FSTL5: variants seen among roughly 807,000 people sequenced by gnomAD.
FSTL5 encodes follistatin like 5.
In FSTL5, 62 loss-of-function variants were observed where a neutral mutation model predicts 89.1. The ratio of observed to expected loss-of-function variants is 0.70; its 90% CI spans 0.57 to 0.86. The LOEUF (loss-of-function observed/expected upper bound fraction) is 0.86. Ranked by LOEUF, FSTL5 falls within the 40% of genes least tolerant of loss-of-function variation. The pLI, the probability that FSTL5 is intolerant of heterozygous loss-of-function variation, is 0.00. For missense variants in FSTL5, 1,057 were observed against 1,001.6 expected (o/e 1.06, Z -0.75); for synonymous variants, 383 against 346.2 (o/e 1.11, Z -1.18).
At chr4:161,877,103 G>A (rs1043227784) in intron 4 of FSTL5, among the ~76,000 whole-genome samples, 1 of 150,058 alleles carries the variant, frequency 6.7e-6, no homozygotes, top group African/African-American at 2.5e-5. Flanking sequence ...AGAATCACTT[G>A]AACCCAGGAG....
chr4:161,713,417 A>G (rs896860275), intron 6 of FSTL5, among the ~76,000 whole-genome samples: 1 of 152,194 alleles, frequency 6.6e-6, no homozygotes, highest in Non-Finnish European at 1.5e-5. Context: ...GTTGGGTAAC[A>G]CAAGGTCCAA....
At chr4:161,434,053 C>T (rs926590839) in intron 15 of FSTL5, among the ~76,000 whole-genome samples, 7 of 151,850 alleles carry the variant, frequency 4.6e-5, no homozygotes, top group Non-Finnish European at 1.0e-4. Context: ...AAAAAGAAAC[C>T]CTAAAATGTA....
chr4:161,521,858 A>AAG (rs1326144111), intron 10 of FSTL5, among the ~76,000 whole-genome samples: 2 of 140,886 alleles, frequency 1.4e-5, no homozygotes, highest in African/African-American at 5.1e-5. Context: ...CAAAAAAAAA[A>AAG]AAAAAAGAAA....
chr4:161,738,834 T>C lies in FSTL5; in HGVS notation c.727+20577A>G, dbSNP rs1579058976. On this transcript the variant is annotated intron_variant, in intron 6 of 15. Transcript: ENST00000306100. ...TACTTAAAAGCATTTTCATTGTTTCTTCTGGCTATTCTCACATATTTACAT... is the reference window on the plus strand; with the variant it reads ...TACTTAAAAGCATTTTCATTGTTTCCTCTGGCTATTCTCACATATTTACAT... Among the ~76,000 whole-genome samples the C allele has an allele frequency of 5.3e-5, 8 of 152,308 alleles. No individual in the cohort carries two copies. The East Asian group carries it at 1.5e-3, about 29-fold the overall frequency.
At chr4:161,688,371 C>G (rs940913114) in intron 6 of FSTL5, among the ~76,000 whole-genome samples, 1 of 152,200 alleles carries the variant, frequency 6.6e-6, no homozygotes, top group Admixed American at 6.5e-5. Flanking sequence ...GCATGAGCCA[C>G]CTTGCCTCCT....
chr4:161,527,313 G>T (rs1731256640), intron 10 of FSTL5, among the ~76,000 whole-genome samples: 1 of 152,090 alleles, frequency 6.6e-6, no homozygotes, highest in Admixed American at 6.6e-5. Context: ...TTAAACTAAA[G>T]AGCTTCTGCA....
rs1201806296 is a variant in FSTL5, at chr4:161,608,075, C to T, written c.895-20500G>A. On this transcript the variant is annotated intron_variant, in intron 7 of 15. Coordinates refer to ENST00000306100, the MANE Select transcript of FSTL5 (RefSeq NM_020116.5). Reference sequence around the variant, plus strand: ...AATTGGAGAAATTTGTTTCCTTTTTCTAAGCTTCAATTTCCAAATATGCCC... The same window carrying T: ...AATTGGAGAAATTTGTTTCCTTTTTTTAAGCTTCAATTTCCAAATATGCCC... Among the ~76,000 whole-genome samples, 3 of 152,204 alleles carry T rather than the reference C, an allele frequency of 2.0e-5. No individual in the cohort carries two copies. The East Asian group carries it at 5.8e-4, about 29-fold the overall frequency.
intron 3 of FSTL5, among the ~76,000 whole-genome samples, chr4:162,028,183 T>C (rs1258101440): frequency 6.6e-6 from 1 of 152,184 alleles, no homozygotes; most frequent in African/African-American, 2.4e-5. Context: ...GTATTGAGTA[T>C]AATAGACAAA....
intron 6 of FSTL5, among the ~76,000 whole-genome samples, chr4:161,674,202 A>G (rs1297941507): frequency 6.6e-6 from 1 of 152,128 alleles, no homozygotes; most frequent in Non-Finnish European, 1.5e-5. Context: ...AAACATATTA[A>G]AAGCACAAAT....
At chr4:161,967,037 CCATAAAGTTAACTA>C (rs1481700925) in intron 3 of FSTL5, among the ~76,000 whole-genome samples, 3 of 151,262 alleles carry the variant, frequency 2.0e-5, no homozygotes, top group African/African-American at 4.9e-5. Context: ...AAACCTCTCA[CCATAAAGTTAACTA>C]ATTAAATGAT....
rs529966170 is a variant in FSTL5 at position 161,743,139 on chromosome 4, A to T, written c.727+16272T>A. Among the ~76,000 whole-genome samples, 12 of 152,224 alleles carry T rather than the reference A, an allele frequency of 7.9e-5. 1 individual carries two copies. The highest frequency in any genetic ancestry group is 2.9e-4 in the African/African-American group (12 of 41,540). ...GTTATAGCCCATAAAACATTACCAA[A>T]GCCAATGTTATGAAGAGTTCCTCCT... is the stretch of plus-strand genomic sequence containing the variant. On this transcript the variant is annotated intron_variant, in intron 6 of 15. Transcript: ENST00000306100.
chr4:161,977,663 T>TAATAATAATAAA (rs1735702487), intron 3 of FSTL5, among the ~76,000 whole-genome samples: 2 of 132,742 alleles, frequency 1.5e-5, no homozygotes, highest in African/African-American at 6.2e-5. Context: ...ATAATAATAA[T>TAATAATAATAAA]AATAAATTAT....
chr4:161,802,953 C>T (rs368445412), intron 4 of FSTL5, among the ~76,000 whole-genome samples: 1 of 151,820 alleles, frequency 6.6e-6, no homozygotes, highest in Non-Finnish European at 1.5e-5. Context: ...CAAGAAACTA[C>T]AGAAATAATT....
At position 161,514,082 on chromosome 4, in the gene FSTL5, C is replaced by G. The variant is rs1380559371; in HGVS notation, c.1313-3658G>C. ...AACAAAAATGCAATCTGATAAAATA[C>G]ATAGCATATTACTAAGTATAATATA... is the stretch of plus-strand genomic sequence containing the variant. On this transcript the variant is annotated intron_variant, in intron 10 of 15. Transcript: ENST00000306100. Among the ~76,000 whole-genome samples the G allele has an allele frequency of 5.3e-5, 8 of 152,030 alleles. No homozygotes were observed. In the East Asian group the frequency reaches 1.5e-3, roughly 29 times the overall value.
intron 4 of FSTL5, among the ~76,000 whole-genome samples, chr4:161,885,574 T>C (rs1732781626): frequency 6.6e-6 from 1 of 152,032 alleles, no homozygotes; most frequent in African/African-American, 2.4e-5. Context: ...GCCTCCTGAG[T>C]AGCTGAGACT....
At chr4:161,398,344 C>T (rs1000585711) in intron 15 of FSTL5, among the ~76,000 whole-genome samples, 1 of 152,028 alleles carries the variant, frequency 6.6e-6, no homozygotes, top group Admixed American at 6.6e-5. Flanking sequence ...TGTATTAGTA[C>T]TGACACAGAG....
chr4:161,946,578 C>G (rs1734740051), intron 3 of FSTL5, among the ~76,000 whole-genome samples: 1 of 152,208 alleles, frequency 6.6e-6, no homozygotes. Flanking sequence ...TCAGGTTGCT[C>G]TTTCATTTTT....
At chr4:162,128,530 AC>A (rs1732172622) in intron 1 of FSTL5, among the ~76,000 whole-genome samples, 1 of 152,156 alleles carries the variant, frequency 6.6e-6, no homozygotes, top group East Asian at 1.9e-4. Context: ...CCCTCACCAG[AC>A]AACAGATCTG....
chr4:161,666,567 GA>G (rs1736900214), intron 6 of FSTL5, among the ~76,000 whole-genome samples: 1 of 152,068 alleles, frequency 6.6e-6, no homozygotes, highest in African/African-American at 2.4e-5. Context: ...TTATGACATA[GA>G]AAAGGCGGAG....
Sources: gnomAD v4.1 joint callset for allele counts (sites outside exome capture counted in the v4.1 genomes callset) on GRCh38, gnomAD v4.1.1 for gene constraint, MANE v1.5 for transcripts, NCBI Gene and HGNC (gene_info 2026-07-23, HGNC 2026-07-21) for gene names.